The following GRK4 variants were observed in gnomAD, a reference collection of about 807,000 sequenced individuals.
GRK4 encodes the protein G protein-coupled receptor kinase 2-like.
GRK4 carries 73 observed loss-of-function variants against 77.9 expected under a neutral mutation model. The observed-to-expected ratio is 0.94, with a 90% CI of 0.78 to 1.14. GRK4 has a LOEUF of 1.14. Ranked by LOEUF, GRK4 falls within the 50% of genes most tolerant of loss-of-function variation. The pLI, the probability that GRK4 is intolerant of heterozygous loss-of-function variation, is 0.00. For missense variants in GRK4, 729 were observed against 700.2 expected (o/e 1.04, Z -0.46); for synonymous variants, 257 against 254.4 (o/e 1.01, Z -0.10).
chr4:3,017,431 C>T (rs1183725096), intron 8 of GRK4, among the ~76,000 whole-genome samples: 1 of 152,194 alleles, frequency 6.6e-6, no homozygotes, highest in African/African-American at 2.4e-5. Context: ...GCCATGCTCA[C>T]CACTGCATCC....
At chr4:2,991,614 A>G (rs1456082467) in intron 3 of GRK4, among the ~76,000 whole-genome samples, 1 of 152,124 alleles carries the variant, frequency 6.6e-6, no homozygotes, top group Middle Eastern at 3.2e-3. Context: ...GGGTCCAGGC[A>G]ATTCTTCCTG....
rs1309076791 is a variant in GRK4 at position 3,029,277 on chromosome 4, G to T, written c.1137G>T (p.Met379Ile). The T allele has an allele frequency of 6.2e-7, 1 of 1,614,096 alleles. No homozygotes were observed. Among genetic ancestry groups the T allele is most frequent in the Non-Finnish European group, 8.5e-7 (1 of 1,179,952 alleles). Residue 379 changes from methionine to isoleucine, a missense_variant, in exon 12 of 16, where the codon ATG becomes ATT. Physicochemically the swap from Met to Ile is conservative, Grantham distance 10. Coordinates refer to ENST00000398052, the MANE Select transcript of GRK4 (RefSeq NM_182982.3). Reference protein sequence around the residue: ...WWGLGCLIYEMIQGHSPFKKY... With the variant: ...WWGLGCLIYEIIQGHSPFKKY... ...GACTTGGCTGTCTGATCTATGAAAT[G>T]ATTCAGGGACATTCTCCATTCAAAA...
At chr4:2,967,729 AT>A (rs200972550) in intron 1 of GRK4, among the ~76,000 whole-genome samples, 15 of 142,038 alleles carry the variant, frequency 1.1e-4, no homozygotes, top group South Asian at 4.5e-4. Context: ...GTTTTGTTTT[AT>A]TTTTTTTTCC....
At chr4:3,010,744 C>T (rs1732677268) in intron 7 of GRK4, among the ~76,000 whole-genome samples, 1 of 152,194 alleles carries the variant, frequency 6.6e-6, no homozygotes. Flanking sequence ...GAGCAGGTTA[C>T]ACTGCCCGGG....
rs192593912 is a variant in GRK4, at chr4:3,026,206, G to A, written c.971-1706G>A. Reference sequence around the variant, plus strand: ...CAGATTCCGCTCCAGGGTGTTTCCCGTCTGCATTCCCACCAGCAGTGCACG... The same window carrying A: ...CAGATTCCGCTCCAGGGTGTTTCCCATCTGCATTCCCACCAGCAGTGCACG... On this transcript the variant is annotated intron_variant, in intron 10 of 15. Coordinates refer to ENST00000398052, the MANE Select transcript of GRK4 (RefSeq NM_182982.3). 4.6e-5 allele frequency among the ~76,000 whole-genome samples: 7 copies of A among 152,292 alleles called. No homozygotes were observed. The East Asian group carries it at 7.7e-4, about 17-fold the overall frequency.
chr4:2,965,700 C>T (rs993210848), intron 1 of GRK4: 12 of 509,526 alleles, frequency 2.4e-5, no homozygotes, highest in Non-Finnish European at 4.3e-5. Context: ...ACAAAGACTT[C>T]ATCTTCTCAG....
rs545145892 is a variant in GRK4, at chr4:3,040,518, A to G, written c.1684-54A>G. Reference sequence around the variant, plus strand: ...TGTAAATGGTTGTCTGCACTTAAGGAAAGTGAAACCTTCGCATCAGCCGTG... The same window carrying G: ...TGTAAATGGTTGTCTGCACTTAAGGGAAGTGAAACCTTCGCATCAGCCGTG... On this transcript the variant is annotated intron_variant, in intron 15 of 15. Coordinates refer to ENST00000398052, the MANE Select transcript of GRK4 (RefSeq NM_182982.3). 3.7e-5 allele frequency: 56 copies of G among 1,498,304 alleles called. 1 individual carries two copies. In the East Asian group the frequency reaches 1.2e-3, roughly 33 times the overall value. 92.8% of individuals were successfully genotyped at this position (1,498,304 alleles called of 1,614,324 possible). A position where few individuals can be genotyped will look rare whatever the true frequency, so the allele number is the denominator to read the frequency against.
intron 4 of GRK4, among the ~76,000 whole-genome samples, chr4:2,997,829 A>T (rs984789472): frequency 6.7e-6 from 1 of 150,356 alleles, no homozygotes; most frequent in Admixed American, 6.7e-5. Flanking sequence ...AATCACTTGA[A>T]CCTGGGAGGC....
At chr4:2,972,910 T>A (rs971258198) in intron 1 of GRK4, among the ~76,000 whole-genome samples, 2 of 152,154 alleles carry the variant, frequency 1.3e-5, no homozygotes, top group African/African-American at 4.8e-5. Flanking sequence ...AATGTTTGTA[T>A]TTTTTGTAGA....
chr4:2,964,147 A>ACCCC (rs142156088), intron 1 of GRK4, 25 bp downstream of exon 1: 192 of 1,153,438 alleles, frequency 1.7e-4, no homozygotes, highest in Middle Eastern at 8.7e-4. Context: ...GGCGCCCCCG[A>ACCCC]CCCCCCCCCC....
chr4:3,012,427 G>C (rs1578239601), intron 7 of GRK4, among the ~76,000 whole-genome samples: 1 of 152,170 alleles, frequency 6.6e-6, no homozygotes, highest in African/African-American at 2.4e-5. Flanking sequence ...AAATCAAATA[G>C]AGCAAAATAT....
chr4:3,028,719 C>T (rs754359866), intron 11 of GRK4, among the ~76,000 whole-genome samples: 5 of 151,992 alleles, frequency 3.3e-5, no homozygotes, highest in Non-Finnish European at 7.4e-5. Context: ...TGTAATACAA[C>T]GGATTTTAGT....
chr4:2,981,505 C>T (rs1284788414), intron 1 of GRK4, among the ~76,000 whole-genome samples: 1 of 152,216 alleles, frequency 6.6e-6, no homozygotes, highest in Non-Finnish European at 1.5e-5. Context: ...CTCCTATCTG[C>T]AGGCAGGTTG....
At chr4:2,964,147 A>ACC (rs142156088) in intron 1 of GRK4, 25 bp downstream of exon 1, 28,913 of 1,149,010 alleles carry the variant, frequency 0.025, 219 homozygotes, top group African/African-American at 0.07. Context: ...GGCGCCCCCG[A>ACC]CCCCCCCCCC....
intron 9 of GRK4, among the ~76,000 whole-genome samples, 190 bp from the exon 10 acceptor site, chr4:3,022,224 G>A (rs570314089): frequency 9.1e-4 from 139 of 152,276 alleles, no homozygotes; most frequent in Admixed American, 1.8e-3. Flanking sequence ...TTACACTGTC[G>A]TCACATGTGA....
In GRK4 at chr4:2,963,805, C is replaced by A. The variant is rs1473276441; in HGVS notation, c.-266C>A. On this transcript the variant is annotated 5_prime_UTR_variant, in exon 1 of 16. Coordinates refer to ENST00000398052, the MANE Select transcript of GRK4 (RefSeq NM_182982.3). ...AAGAACCGGGGCGATAGCGCGGCAG[C>A]GGTGACAGCTGGGACCCGCCGCGGT... is the stretch of plus-strand genomic sequence containing the variant. 7.6e-6 allele frequency: 4 copies of A among 528,822 alleles called. No homozygotes were observed. Among genetic ancestry groups the A allele is most frequent in the African/African-American group, 4.1e-5 (2 of 48,642 alleles). 32.8% of individuals were successfully genotyped at this position (528,822 alleles called of 1,614,324 possible). A position where few individuals can be genotyped will look rare whatever the true frequency, so the allele number is the denominator to read the frequency against.
chr4:3,009,772 GAA>G (rs1732367065), intron 7 of GRK4, 61 bp downstream of exon 7: 10 of 1,255,680 alleles, frequency 8.0e-6, no homozygotes, highest in Non-Finnish European at 1.1e-5. Context: ...AAGGTCCTGA[GAA>G]CATGGCTTCA....
At chr4:2,992,908 C>T (rs984291053) in intron 4 of GRK4, among the ~76,000 whole-genome samples, 1 of 152,114 alleles carries the variant, frequency 6.6e-6, no homozygotes, top group Non-Finnish European at 1.5e-5. Flanking sequence ...TGCTTGAGCC[C>T]AGGAGGTCAA....
chr4:3,019,090 A>C (rs897752938), intron 8 of GRK4, among the ~76,000 whole-genome samples: 3 of 152,130 alleles, frequency 2.0e-5, no homozygotes, highest in African/African-American at 7.2e-5. Context: ...GGGAAAATAG[A>C]CTAGGCATTT....
Sources: gnomAD v4.1 joint callset for allele counts (sites outside exome capture counted in the v4.1 genomes callset) on GRCh38, gnomAD v4.1.1 for gene constraint, MANE v1.5 for transcripts, NCBI Gene and HGNC (gene_info 2026-07-23, HGNC 2026-07-21) for gene names.